The following RBFOX1 variants were observed in gnomAD, a reference collection of about 807,000 sequenced individuals.
RBFOX1 encodes RNA binding fox-1 homolog 1.
In RBFOX1, 8 loss-of-function variants were observed where a neutral mutation model predicts 57.7. The ratio of observed to expected loss-of-function variants is 0.14; its 90% confidence interval spans 0.08 to 0.25. RBFOX1 has a LOEUF of 0.25. RBFOX1 is among the 10% of genes least tolerant of loss of function. The pLI is 1.00. For synonymous variants in RBFOX1, 326 were observed against 222.4 expected (o/e 1.47, Z -4.15); for missense variants, 611 against 548.5 (o/e 1.11, Z -1.14).
intron 4 of RBFOX1, among the ~76,000 whole-genome samples, chr16:7,212,027 G>A (rs957253303): frequency 3.3e-5 from 5 of 152,096 alleles, no homozygotes; most frequent in African/African-American, 1.2e-4. Context: ...CTGAGTCACG[G>A]TTTCTGGAAA....
chr16:6,983,655 C>G (rs1030282529), intron 3 of RBFOX1: 1 of 152,164 alleles, frequency 6.6e-6, no homozygotes, highest in African/African-American at 2.4e-5. Context: ...TTATAAATCT[C>G]TTGGGAGAAG....
In RBFOX1 at chr16:7,071,642, A is replaced by G. The variant is rs372145178; in HGVS notation, c.27+19544A>G. Among the ~76,000 whole-genome samples, 15 of 149,886 alleles carry G rather than the reference A, an allele frequency of 1.0e-4. No individual in the cohort carries two copies. The East Asian group carries it at 2.5e-3, about 25-fold the overall frequency. On this transcript the variant is annotated intron_variant, in intron 4 of 15. Coordinates refer to ENST00000550418, the MANE Select transcript of RBFOX1 (RefSeq NM_018723.4). ...GTTTGTCTGTATACATAACCTGGGT[A>G]ATTTATACATACATACATACATACA... is the stretch of plus-strand genomic sequence containing the variant.
intron 4 of RBFOX1, among the ~76,000 whole-genome samples, chr16:7,312,099 G>A (rs1290469589): frequency 1.3e-5 from 2 of 152,216 alleles, no homozygotes; most frequent in South Asian, 2.1e-4. Flanking sequence ...TGAAGGAAGG[G>A]CCGGGCGCAG....
intron 3 of RBFOX1, among the ~76,000 whole-genome samples, chr16:5,769,147 T>C (rs2053891254): frequency 1.3e-5 from 2 of 152,192 alleles, no homozygotes; most frequent in African/African-American, 2.4e-5. Context: ...CATTTAAACC[T>C]GACGTTTTTT....
In RBFOX1 at chr16:7,452,376, G is replaced by A. The variant is rs114747347; in HGVS notation, c.28-65771G>A. Among the ~76,000 whole-genome samples the A allele has an allele frequency of 1.9e-3, 292 of 152,284 alleles. 2 individuals are homozygous for A. Among genetic ancestry groups the A allele is most frequent in the African/African-American group, 6.9e-3 (285 of 41,572 alleles). Reference sequence around the variant, plus strand: ...GTGCTAAGAGCTTAGAACAACACACGGTGCCTGGTGCATCCCCCACCTGCC... The same window carrying A: ...GTGCTAAGAGCTTAGAACAACACACAGTGCCTGGTGCATCCCCCACCTGCC... On this transcript the variant is annotated intron_variant, in intron 4 of 15. Coordinates refer to ENST00000550418, the MANE Select transcript of RBFOX1 (RefSeq NM_018723.4).
chr16:7,085,702 G>A (rs576270801), intron 4 of RBFOX1, among the ~76,000 whole-genome samples: 4 of 152,256 alleles, frequency 2.6e-5, no homozygotes, highest in Admixed American at 1.3e-4. Context: ...GATCATGTCC[G>A]GAGGTGATCT....
At chr16:5,339,519 G>C (rs1027270634) in intron 1 of RBFOX1, among the ~76,000 whole-genome samples, 1 of 101,340 alleles carries the variant, frequency 9.9e-6, no homozygotes, top group Non-Finnish European at 1.9e-5. Context: ...GTCTTGCTGG[G>C]TCACTCAGGC....
chr16:7,547,849 A>C (rs1013779532), intron 5 of RBFOX1, among the ~76,000 whole-genome samples: 1 of 152,326 alleles, frequency 6.6e-6, no homozygotes, highest in South Asian at 2.1e-4. Flanking sequence ...TGTGTATTTA[A>C]CAGCAGAAGA....
intron 3 of RBFOX1, among the ~76,000 whole-genome samples, chr16:6,989,472 C>T (rs1357255794): frequency 6.6e-6 from 1 of 152,154 alleles, no homozygotes; most frequent in East Asian, 1.9e-4. Context: ...AAGTTAATAT[C>T]ATCCTCTGTA....
At chr16:7,355,789 A>T (rs1328616382) in intron 4 of RBFOX1, among the ~76,000 whole-genome samples, 2 of 152,210 alleles carry the variant, frequency 1.3e-5, no homozygotes, top group Non-Finnish European at 2.9e-5. Flanking sequence ...GGACATCATC[A>T]ATCTTTTAAG....
intron 2 of RBFOX1, among the ~76,000 whole-genome samples, chr16:6,612,491 C>G (rs2098075974): frequency 6.6e-6 from 1 of 152,254 alleles, no homozygotes; most frequent in South Asian, 2.1e-4. Flanking sequence ...ACTACTTTTA[C>G]AAGGCAGTTG....
intron 5 of RBFOX1, among the ~76,000 whole-genome samples, chr16:7,536,004 T>G (rs1462656378): frequency 1.3e-5 from 2 of 152,204 alleles, no homozygotes; most frequent in Non-Finnish European, 2.9e-5. Flanking sequence ...CTTCAAGGAA[T>G]GTACAGTCTA....
At chr16:6,339,046 G>A (rs1449709402) in intron 2 of RBFOX1, among the ~76,000 whole-genome samples, 1 of 152,192 alleles carries the variant, frequency 6.6e-6, no homozygotes, top group African/African-American at 2.4e-5. Flanking sequence ...AGGATCAGGA[G>A]TGGAATGGAA....
At chr16:7,583,030 C>T (rs914270536) in intron 6 of RBFOX1, among the ~76,000 whole-genome samples, 2 of 152,180 alleles carry the variant, frequency 1.3e-5, no homozygotes, top group Non-Finnish European at 2.9e-5. Flanking sequence ...TTTGTATCTT[C>T]AGCACATCAT....
chr16:6,695,035 G>A (rs1419002709), intron 3 of RBFOX1, among the ~76,000 whole-genome samples: 1 of 152,114 alleles, frequency 6.6e-6, no homozygotes, highest in African/African-American at 2.4e-5. Context: ...TATTAAATCA[G>A]CCAGGCTTTG....
intron 2 of RBFOX1, among the ~76,000 whole-genome samples, chr16:6,623,147 C>A (rs17720989): frequency 6.6e-6 from 1 of 152,128 alleles, no homozygotes; most frequent in Non-Finnish European, 1.5e-5. Flanking sequence ...GCTCTGCATA[C>A]CCCATTCCAG....
chr16:5,669,548 T>A (rs970504030), intron 3 of RBFOX1, among the ~76,000 whole-genome samples: 1 of 150,324 alleles, frequency 6.7e-6, no homozygotes, highest in Non-Finnish European at 1.5e-5. Context: ...GCCTGCCAAG[T>A]AGCCGGGATT....
intron 3 of RBFOX1, among the ~76,000 whole-genome samples, chr16:6,740,372 T>C (rs1196303856): frequency 6.6e-6 from 1 of 152,060 alleles, no homozygotes; most frequent in African/African-American, 2.4e-5. Flanking sequence ...CTATTCAACA[T>C]AGTAGGGAAT....
chr16:5,298,583 TTC>T (rs2063730570), intron 1 of RBFOX1, among the ~76,000 whole-genome samples: 1 of 5,100 alleles, frequency 2.0e-4, no homozygotes, highest in African/African-American at 1.3e-3. Context: ...TTCCCCTCCC[TTC>T]CCCTCCCCTC....
Sources: allele counts gnomAD v4.1 joint callset (sites outside exome capture counted in the v4.1 genomes callset), GRCh38; gene constraint gnomAD v4.1.1; transcripts MANE v1.5; gene names NCBI Gene and HGNC (gene_info 2026-07-23, HGNC 2026-07-21).